F11R: variants seen among roughly 807,000 people sequenced by gnomAD.
F11R encodes the protein junctional adhesion molecule A.
A neutral mutation model predicts 39.3 loss-of-function variants in F11R; 27 were observed. That is an observed-to-expected ratio of 0.69 (90% confidence interval 0.51 to 0.95). The LOEUF (loss-of-function observed/expected upper bound fraction) is 0.95, where lower values mean the gene tolerates loss of function less well. Among genes scored for constraint, F11R ranks in the 40% least tolerant of loss-of-function variants. F11R has a pLI of 0.00. For synonymous variants in F11R, 131 were observed against 144.9 expected, an observed-to-expected ratio of 0.90 and a Z score of 0.69; for missense variants, 335 against 372.7, an observed-to-expected ratio of 0.90 and a Z score of 0.83.
At chr1:161,020,966 TCTGACC>T (rs748547113) in intron 1 of F11R, 38 bp downstream of exon 1, 1 of 1,595,176 alleles carries the variant, frequency 6.3e-7, no homozygotes, top group East Asian at 2.2e-5. Context: ...TCCTCCAACC[TCTGACC>T]CGACCAACCG....
chr1:161,000,889 G>C, intron 3 of F11R, 112 bp from the exon 4 acceptor site: 9 of 1,499,562 alleles, frequency 6.0e-6, no homozygotes, highest in Non-Finnish European at 8.3e-6. Context: ...CAGAAAGGGG[G>C]GTAGGAAGGC....
In F11R at chr1:161,001,073, T is replaced by C. The variant is rs1207260871; in HGVS notation, c.188A>G (p.Lys63Arg). 1 of 1,614,100 alleles carries C rather than the reference T, an allele frequency of 6.2e-7. No individual in the cohort carries two copies. Among genetic ancestry groups the C allele is most frequent in the Non-Finnish European group, 8.5e-7 (1 of 1,180,016 alleles). ...TCTGGTGGTGTCTCCTTGGTCAAAC[T>C]TCCACTCCACACGGGGAGAAGAAAA... ...SGFSSPRVEW[K>R]FDQGDTTRLV... The change falls in exon 3 of 10, where the codon AAG (lysine) becomes AGG (arginine). Residue 63 changes from lysine (K) to arginine (R), a missense_variant. Physicochemically the swap from Lys to Arg is conservative, Grantham distance 26. Transcript: ENST00000368026.
intron 1 of F11R, among the ~76,000 whole-genome samples, chr1:161,012,489 C>T (rs1016437846): frequency 4.0e-4 from 61 of 151,500 alleles, no homozygotes; most frequent in African/African-American, 1.4e-3. Context: ...AGAAATACAA[C>T]ATAAAAAAGA....
rs1308566707 is a variant in F11R, at chr1:160,999,748, C to T, written c.695-1G>A. The stretch of plus-strand genomic sequence containing the variant: ...ACGATGACCCCCACATTCCGCTCCA[C>T]TGCGAGACACAAATAAGAAGTCAGG... On this transcript the variant is annotated splice_acceptor_variant, in intron 6 of 9. Coordinates refer to ENST00000368026, the MANE Select transcript of F11R (RefSeq NM_016946.6). LOFTEE classifies it high-confidence loss of function. The T allele has an allele frequency of 6.2e-7, 1 of 1,614,046 alleles. No individual in the cohort carries two copies. Among genetic ancestry groups the T allele is most frequent in the Non-Finnish European group, 8.5e-7 (1 of 1,179,988 alleles).
chr1:161,005,159 C>CA (rs1199045194), intron 1 of F11R, among the ~76,000 whole-genome samples: 37 of 97,684 alleles, frequency 3.8e-4, no homozygotes, highest in Non-Finnish European at 7.9e-4. Context: ...GACTCTGTCT[C>CA]AAAAATAAAA....
At chr1:161,006,602 G>C (rs566426153) in intron 1 of F11R, among the ~76,000 whole-genome samples, 4 of 152,218 alleles carry the variant, frequency 2.6e-5, no homozygotes, top group East Asian at 1.9e-4. Context: ...CCATCACCTG[G>C]TCTGGGCTTC....
intron 1 of F11R, among the ~76,000 whole-genome samples, chr1:161,017,603 C>T (rs946902862): frequency 6.6e-6 from 1 of 152,210 alleles, no homozygotes; most frequent in South Asian, 2.1e-4. Context: ...GACACATCCC[C>T]CTCTCAGAGA....
At position 161,020,208 on chromosome 1, in the gene F11R, G is replaced by GA. The variant is rs771289801; in HGVS notation, c.64+801dup. Among the ~76,000 whole-genome samples, 23 of 152,280 alleles carry GA rather than the reference G, an allele frequency of 1.5e-4. 1 individual carries two copies. Among genetic ancestry groups the GA allele is most frequent in the East Asian group, 1.2e-3 (6 of 5,184 alleles). On this transcript the variant is annotated intron_variant, in intron 1 of 9. Coordinates refer to ENST00000368026, the MANE Select transcript of F11R (RefSeq NM_016946.6). ...GCAAGTGAGCCTCATTGTTCCTCAGGAAAGGGAGTTTACAAAGGAAACAAA... is the reference window on the plus strand; with the variant it reads ...GCAAGTGAGCCTCATTGTTCCTCAGGAAAAGGGAGTTTACAAAGGAAACAAA...
At chr1:161,007,613 C>A (rs1254645173) in intron 1 of F11R, among the ~76,000 whole-genome samples, 1 of 152,166 alleles carries the variant, frequency 6.6e-6, no homozygotes, top group Non-Finnish European at 1.5e-5. Context: ...GTTCTGAAGG[C>A]TAAACAAGCT....
intron 8 of F11R, 138 bp from the exon 9 acceptor site, chr1:160,999,229 G>T: frequency 7.0e-7 from 1 of 1,418,490 alleles, no homozygotes; most frequent in Non-Finnish European, 1.0e-6. Context: ...GGGGTAACAG[G>T]ACAGACCCAG....
chr1:161,013,393 AAC>A (rs1649278187), intron 1 of F11R, among the ~76,000 whole-genome samples: 1 of 152,196 alleles, frequency 6.6e-6, no homozygotes, highest in African/African-American at 2.4e-5. Flanking sequence ...GAACATAGTA[AAC>A]ACCAATGTTT....
At chr1:161,020,225 G>A (rs1428942676) in intron 1 of F11R, among the ~76,000 whole-genome samples, 1 of 152,100 alleles carries the variant, frequency 6.6e-6, no homozygotes, top group African/African-American at 2.4e-5. Context: ...AGTTTACAAA[G>A]GAAACAAAAA....
In F11R at chr1:160,999,436, T is replaced by G. The variant is rs752567502; in HGVS notation, c.803-28A>C. ...GAAAGAGAAGAAATGGGATCATGAG[T>G]GTCAGCAGGACAGAAGACAGCATGG... is the stretch of plus-strand genomic sequence containing the variant. On this transcript the variant is annotated intron_variant, in intron 7 of 9. Coordinates refer to ENST00000368026, the MANE Select transcript of F11R (RefSeq NM_016946.6). The G allele has an allele frequency of 4.3e-6, 7 of 1,614,018 alleles. No homozygotes were observed. In the South Asian group the frequency reaches 7.7e-5, roughly 18 times the overall value.
chr1:161,013,063 G>C lies in F11R; in HGVS notation c.64+7947C>G, dbSNP rs79429726. ...TAATAAGCAAAGTACCCAAAAGGTA[G>C]TTTTTCTATCCTCACCCTCCTCCCA... On this transcript the variant is annotated intron_variant, in intron 1 of 9. Coordinates refer to ENST00000368026, the MANE Select transcript of F11R (RefSeq NM_016946.6). 1.4e-3 allele frequency among the ~76,000 whole-genome samples: 217 copies of C among 151,544 alleles called. 5 individuals carry two copies. The East Asian group carries it at 0.039, about 27-fold the overall frequency.
intron 6 of F11R, 64 bp downstream of exon 6, chr1:160,999,812 A>G: frequency 1.5e-5 from 24 of 1,606,852 alleles, no homozygotes; most frequent in East Asian, 2.2e-5. Context: ...AGTATCACCA[A>G]TGGCAGGATG....
chr1:161,000,445 G>A, intron 4 of F11R, 97 bp from the exon 5 acceptor site: 1 of 1,433,600 alleles, frequency 7.0e-7, no homozygotes, highest in Non-Finnish European at 9.7e-7. Flanking sequence ...CTCAGCTCAA[G>A]CCTCCTACTC....
intron 1 of F11R, among the ~76,000 whole-genome samples, chr1:161,019,486 T>C (rs1403818604): frequency 2.0e-5 from 3 of 150,960 alleles, no homozygotes; most frequent in Non-Finnish European, 2.9e-5. Context: ...TTCCAGCTAC[T>C]CGGGAGGCTG....
At chr1:161,002,961 T>TG (rs1428520433) in intron 1 of F11R, among the ~76,000 whole-genome samples, 1 of 151,162 alleles carries the variant, frequency 6.6e-6, no homozygotes, top group Non-Finnish European at 1.5e-5. Context: ...TATTTGTTTT[T>TG]TTTTTTTTTG....
chr1:161,001,151 C>T lies in F11R; in HGVS notation c.134-24G>A, dbSNP rs983020652. 1.1e-5 allele frequency: 17 copies of T among 1,610,456 alleles called. No individual in the cohort carries two copies. The South Asian group carries it at 1.1e-4, about 10-fold the overall frequency. On this transcript the variant is annotated intron_variant, in intron 2 of 9. Coordinates refer to ENST00000368026, the MANE Select transcript of F11R (RefSeq NM_016946.6). ...AGCTGCAGACAGGGTCAAAATGAGCCGAAGGAAGAAGCAGCAGCAAATACA... is the reference window on the plus strand; with the variant it reads ...AGCTGCAGACAGGGTCAAAATGAGCTGAAGGAAGAAGCAGCAGCAAATACA...
Sources: allele counts gnomAD v4.1 joint callset (sites outside exome capture counted in the v4.1 genomes callset), GRCh38; gene constraint gnomAD v4.1.1; transcripts MANE v1.5; gene names NCBI Gene and HGNC (gene_info 2026-07-23, HGNC 2026-07-21).